The following VPS39 variants were observed in gnomAD, a reference collection of about 807,000 sequenced individuals.
VPS39 encodes the protein vam6/Vps39-like protein.
A neutral mutation model predicts 121.0 loss-of-function variants in VPS39; 70 were observed. The ratio of observed to expected loss-of-function variants is 0.58; its 90% confidence interval spans 0.48 to 0.71. VPS39 has a LOEUF of 0.71. Ranked by LOEUF, VPS39 falls within the 30% of genes least tolerant of loss-of-function variation. VPS39 has a pLI of 0.00. For synonymous variants in VPS39, 378 were observed against 398.1 expected (o/e 0.95, Z 0.60); for missense variants, 818 against 1,051.5 (o/e 0.78, Z 3.07).
chr15:42,193,191 G>A (rs1441098787), intron 2 of VPS39, among the ~76,000 whole-genome samples: 1 of 151,740 alleles, frequency 6.6e-6, no homozygotes, highest in African/African-American at 2.4e-5. Flanking sequence ...CTTTTTTGGG[G>A]GTTATATACA....
At chr15:42,196,651 G>T (rs1257156309) in intron 2 of VPS39, among the ~76,000 whole-genome samples, 1 of 152,112 alleles carries the variant, frequency 6.6e-6, no homozygotes, top group East Asian at 1.9e-4. Context: ...TTAGAATGGC[G>T]ATCATTAAAA....
rs201973895 is a variant in VPS39, at chr15:42,178,279, A to T, written c.899T>A (p.Met300Lys). Residue 300 changes from methionine (M) to lysine (K), a missense_variant, in exon 10 of 25, where the codon ATG (methionine) becomes AAG (lysine). Coordinates refer to ENST00000318006, the MANE Select transcript of VPS39 (RefSeq NM_015289.5). ...GAGAAGTTGTTGGATTTGGGTTGCCATGGGGACAGGGATGAGTCTCCAAAC... is the reference window on the plus strand; with the variant it reads ...GAGAAGTTGTTGGATTTGGGTTGCCTTGGGGACAGGGATGAGTCTCCAAAC... ...HFVWRLIPVP[M>K]ATQIQQLLQD... The T allele has an allele frequency of 9.9e-6, 16 of 1,614,114 alleles. No individual in the cohort carries two copies. In the African/African-American group the frequency reaches 1.6e-4, roughly 16 times the overall value.
chr15:42,164,914 C>A, intron 18 of VPS39, 82 bp downstream of exon 18: 2 of 1,583,272 alleles, frequency 1.3e-6, no homozygotes, highest in South Asian at 1.2e-5. Context: ...GGGTGGCCTG[C>A]TTACCCCCAC....
chr15:42,188,178 T>C (rs1227704238), intron 5 of VPS39, among the ~76,000 whole-genome samples: 1 of 152,240 alleles, frequency 6.6e-6, no homozygotes, highest in East Asian at 1.9e-4. Flanking sequence ...CTCTTAAATG[T>C]TTCTTGCTCC....
intron 8 of VPS39, among the ~76,000 whole-genome samples, chr15:42,181,516 T>C (rs1031252932): frequency 1.3e-5 from 2 of 152,194 alleles, no homozygotes; most frequent in Non-Finnish European, 2.9e-5. Context: ...AACTGTACAC[T>C]TAAAAATGGT....
intron 2 of VPS39, among the ~76,000 whole-genome samples, chr15:42,198,634 C>T (rs1467062096): frequency 6.6e-6 from 1 of 152,204 alleles, no homozygotes; most frequent in Non-Finnish European, 1.5e-5. Context: ...AGCCACTTCA[C>T]AGGCCATGAG....
At chr15:42,199,165 C>T (rs2050010482) in intron 2 of VPS39, among the ~76,000 whole-genome samples, 1 of 152,172 alleles carries the variant, frequency 6.6e-6, no homozygotes, top group Non-Finnish European at 1.5e-5. Context: ...AATACCTAAA[C>T]ACATCTATTC....
intron 8 of VPS39, among the ~76,000 whole-genome samples, chr15:42,180,109 TG>T (rs1216338146): frequency 6.6e-6 from 1 of 151,138 alleles, no homozygotes; most frequent in East Asian, 1.9e-4. Flanking sequence ...AACAAATTTC[TG>T]GTTTTTATAA....
At chr15:42,164,539 G>C in intron 18 of VPS39, 53 bp from the exon 19 acceptor site, 1 of 1,600,758 alleles carries the variant, frequency 6.2e-7, no homozygotes, top group Non-Finnish European at 8.5e-7. Context: ...TGGCAATGTA[G>C]GGTCATCAAG....
chr15:42,189,251 T>C, intron 4 of VPS39, 43 bp from the exon 5 acceptor site: 1 of 1,518,650 alleles, frequency 6.6e-7, no homozygotes, highest in Non-Finnish European at 9.1e-7. Flanking sequence ...TGATCATAAT[T>C]CTCTAGCATA....
chr15:42,200,892 T>C (rs951924280), intron 1 of VPS39, among the ~76,000 whole-genome samples: 1 of 152,148 alleles, frequency 6.6e-6, no homozygotes, highest in Non-Finnish European at 1.5e-5. Flanking sequence ...GAAGTATGGA[T>C]ATATGCTACA....
intron 7 of VPS39, among the ~76,000 whole-genome samples, chr15:42,185,324 G>A (rs947370663): frequency 1.4e-4 from 22 of 151,860 alleles, no homozygotes; most frequent in African/African-American, 5.3e-4. Flanking sequence ...AACTACAGGC[G>A]TGTGCCACCA....
At chr15:42,166,355 T>C in intron 15 of VPS39, 123 bp from the exon 16 acceptor site, 3 of 1,188,098 alleles carry the variant, frequency 2.5e-6, no homozygotes, top group Admixed American at 4.0e-5. Context: ...CATGAGCCAC[T>C]TGGGGTTGTT....
intron 24 of VPS39, 49 bp downstream of exon 24, chr15:42,161,633 G>A: frequency 6.3e-7 from 1 of 1,583,136 alleles, no homozygotes; most frequent in Non-Finnish European, 8.7e-7. Flanking sequence ...CTCCACCCCT[G>A]GGAACCTCCA....
At chr15:42,192,829 A>G (rs1208311531) in intron 2 of VPS39, among the ~76,000 whole-genome samples, 1 of 151,776 alleles carries the variant, frequency 6.6e-6, no homozygotes, top group East Asian at 1.9e-4. Flanking sequence ...CCCAGGCCGG[A>G]GTGCAGTAGT....
intron 4 of VPS39, among the ~76,000 whole-genome samples, chr15:42,189,837 C>G (rs1415441228): frequency 8.8e-6 from 1 of 113,508 alleles, no homozygotes; most frequent in Non-Finnish European, 1.7e-5. Context: ...CGGTCTCACT[C>G]TGTTGCCCAG....
rs752141512 is a variant in VPS39, at chr15:42,191,601, G to A, written c.140-41C>T. On this transcript the variant is annotated intron_variant, in intron 2 of 24. Coordinates refer to ENST00000318006, the MANE Select transcript of VPS39 (RefSeq NM_015289.5). ...AAACACTGGTAGTTCCAAATACAGGGATACATAGAAAAACCACTACTAGAA... is the reference window on the plus strand; with the variant it reads ...AAACACTGGTAGTTCCAAATACAGGAATACATAGAAAAACCACTACTAGAA... 6.4e-6 allele frequency: 10 copies of A among 1,570,464 alleles called. No individual in the cohort carries two copies. The East Asian group carries it at 1.8e-4, about 28-fold the overall frequency.
chr15:42,187,249 T>C, intron 7 of VPS39, 22 bp downstream of exon 7: 7 of 1,572,778 alleles, frequency 4.5e-6, no homozygotes, highest in Non-Finnish European at 5.2e-6. Flanking sequence ...CTAATGATAT[T>C]TGCAAAATAA....
intron 7 of VPS39, among the ~76,000 whole-genome samples, chr15:42,185,526 C>T (rs765654495): frequency 2.6e-5 from 4 of 152,126 alleles, no homozygotes; most frequent in Non-Finnish European, 5.9e-5. Context: ...TAAACAAACA[C>T]CTTGCCATAG....
Sources: gnomAD v4.1 joint callset for allele counts (sites outside exome capture counted in the v4.1 genomes callset) on GRCh38, gnomAD v4.1.1 for gene constraint, MANE v1.5 for transcripts, NCBI Gene and HGNC (gene_info 2026-07-23, HGNC 2026-07-21) for gene names.